The following CACNA2D2 variants were observed in gnomAD, a reference collection of about 807,000 sequenced individuals.
The protein encoded by CACNA2D2 is voltage-dependent calcium channel subunit alpha-2/delta-2.
Under a neutral mutation model 166.4 loss-of-function variants are expected in CACNA2D2, and 48 were observed. That is an observed-to-expected ratio of 0.29 (90% confidence interval 0.23 to 0.37). The LOEUF is 0.37. Ranked by LOEUF, CACNA2D2 falls within the 10% of genes least tolerant of loss-of-function variation. The pLI, the probability that CACNA2D2 is intolerant of heterozygous loss-of-function variation, is 1.00. For missense variants in CACNA2D2, 1,122 were observed against 1,433.0 expected (o/e 0.78, Z 3.50); for synonymous variants, 561 against 573.7 (o/e 0.98, Z 0.32).
chr3:50,410,897 T>C (rs1559922138), intron 3 of CACNA2D2, among the ~76,000 whole-genome samples: 2 of 152,220 alleles, frequency 1.3e-5, no homozygotes, highest in Admixed American at 6.5e-5. Context: ...TGTGTGTACA[T>C]AAACACATGT....
At chr3:50,443,547 T>G (rs1180883505) in intron 2 of CACNA2D2, among the ~76,000 whole-genome samples, 2 of 152,210 alleles carry the variant, frequency 1.3e-5, no homozygotes, top group Non-Finnish European at 2.9e-5. Context: ...TGCCGCTCAG[T>G]TCTCTGGCCC....
At chr3:50,490,488 C>T (rs1210526677) in intron 1 of CACNA2D2, among the ~76,000 whole-genome samples, 1 of 152,104 alleles carries the variant, frequency 6.6e-6, no homozygotes, top group African/African-American at 2.4e-5. Context: ...CTGGACACCC[C>T]CTTTACTTCC....
chr3:50,369,533 C>T (rs766106417), intron 23 of CACNA2D2, among the ~76,000 whole-genome samples: 2 of 152,254 alleles, frequency 1.3e-5, no homozygotes, highest in African/African-American at 2.4e-5. Context: ...TACGTGCACA[C>T]ACGAAGGTGA....
chr3:50,376,844 G>C lies in CACNA2D2; in HGVS notation c.1626+623C>G, dbSNP rs587674071. On this transcript the variant is annotated intron_variant, in intron 17 of 37. Transcript: ENST00000424201. The surrounding 1 kb of genome is among the most constrained non-coding windows in gnomAD (Gnocchi z 4.3). ...AGGCCAAGATGCAGACTCCCTGACCGCAGGCGCTGGGCCAGCCACAATGCC... is the reference window on the plus strand; with the variant it reads ...AGGCCAAGATGCAGACTCCCTGACCCCAGGCGCTGGGCCAGCCACAATGCC... Among the ~76,000 whole-genome samples, 1 of 152,198 alleles carries C rather than the reference G, an allele frequency of 6.6e-6. No individual in the cohort carries two copies. Among genetic ancestry groups the C allele is most frequent in the Non-Finnish European group, 1.5e-5 (1 of 68,032 alleles).
At chr3:50,435,418 A>T (rs1310847401) in intron 2 of CACNA2D2, among the ~76,000 whole-genome samples, 1 of 151,890 alleles carries the variant, frequency 6.6e-6, no homozygotes, top group African/African-American at 2.4e-5. Context: ...TGCCCCAAGT[A>T]CAGGCTCCTT....
At chr3:50,401,361 G>C (rs1706443668) in intron 3 of CACNA2D2, among the ~76,000 whole-genome samples, 1 of 152,180 alleles carries the variant, frequency 6.6e-6, no homozygotes, top group African/African-American at 2.4e-5. Context: ...CTCCACCCAA[G>C]TCCAGGCTTG....
chr3:50,387,712 G>T, intron 4 of CACNA2D2, 100 bp from the exon 5 acceptor site: 1 of 909,800 alleles, frequency 1.1e-6, no homozygotes, highest in African/African-American at 1.7e-5. Flanking sequence ...GATTCCTCTG[G>T]GGCAGAGACT....
chr3:50,367,453 C>T lies in CACNA2D2; in HGVS notation c.2342G>A (p.Ser781Asn), dbSNP rs1704381997. ...WTENPEPFNA[S>N]FYRRSLDNHG... ...GTTATCCAGGCTGCGGCGGTAGAAG[C>T]TGGCATTGAAGGGCTCAGGGTTCTC... Residue 781 changes from serine (S) to asparagine (N), a missense_variant, in exon 27 of 38, where the codon AGC becomes AAC. By Grantham distance (46) the Ser-to-Asn change is conservative. Transcript: ENST00000424201. This position sits in a 1 kb window ranked among gnomAD's most constrained non-coding sequence, Gnocchi z 6.5. 6.2e-7 allele frequency: 1 copy of T among 1,613,824 alleles called. No homozygotes were observed. The highest frequency in any genetic ancestry group is 8.5e-7 in the Non-Finnish European group (1 of 1,180,024).
At chr3:50,494,384 G>T (rs1698642436) in intron 1 of CACNA2D2, among the ~76,000 whole-genome samples, 2 of 152,140 alleles carry the variant, frequency 1.3e-5, no homozygotes, top group African/African-American at 4.8e-5. Context: ...GGAAGGAAGT[G>T]ATCAAGACTG....
At chr3:50,373,073 T>C in intron 22 of CACNA2D2, 1 of 1,534,740 alleles carries the variant, frequency 6.5e-7, no homozygotes, top group Non-Finnish European at 8.7e-7. Context: ...GCCCTTCAGT[T>C]TGCTGATTGG....
intron 6 of CACNA2D2, among the ~76,000 whole-genome samples, chr3:50,381,339 C>T (rs1325819091): frequency 6.6e-6 from 1 of 152,044 alleles, no homozygotes; most frequent in Non-Finnish European, 1.5e-5. Context: ...GTGAAAGGAA[C>T]AGTTCAGCCT....
chr3:50,441,641 CCTGGGT>C (rs1708605269), intron 2 of CACNA2D2, among the ~76,000 whole-genome samples: 1 of 152,392 alleles, frequency 6.6e-6, no homozygotes, highest in Admixed American at 6.5e-5. Flanking sequence ...ATGGCCCATT[CCTGGGT>C]GTAGCCCTTT....
intron 2 of CACNA2D2, among the ~76,000 whole-genome samples, chr3:50,437,507 G>A (rs1372928114): frequency 2.6e-5 from 4 of 152,154 alleles, no homozygotes; most frequent in Non-Finnish European, 5.9e-5. Flanking sequence ...AACAGTCCTC[G>A]AATGATAGCC....
intron 23 of CACNA2D2, among the ~76,000 whole-genome samples, chr3:50,368,645 A>C (rs1406228043): frequency 6.6e-6 from 1 of 152,194 alleles, no homozygotes; most frequent in African/African-American, 2.4e-5. Flanking sequence ...TTGTCAGCCT[A>C]AGACCTCACC....
intron 2 of CACNA2D2, among the ~76,000 whole-genome samples, chr3:50,438,446 C>T (rs1314613702): frequency 2.6e-5 from 4 of 152,194 alleles, no homozygotes; most frequent in African/African-American, 9.7e-5. Flanking sequence ...GGGGCTGATG[C>T]CTCCTTAGAA....
In CACNA2D2 at chr3:50,375,676, G is replaced by A. The variant is rs1480824096; in HGVS notation, c.1875C>T (p.Tyr625=). ...ERYIDEVTRN[Y]TWVPIRSTNY... ...TAGTGCTCCTTATAGGCACCCAGGT[G>A]TAGTTCCGTGTCACCTCATCTATGT... Residue 625 remains tyrosine (Y), a synonymous_variant, in exon 21 of 38, where the codon TAC becomes TAT. Transcript: ENST00000424201. The surrounding 1 kb of genome is among the most constrained non-coding windows in gnomAD (Gnocchi z 4.0). The A allele has an allele frequency of 3.1e-6, 5 of 1,613,210 alleles. No individual in the cohort carries two copies. In the South Asian group the frequency reaches 4.4e-5, roughly 14 times the overall value.
At position 50,372,406 on chromosome 3, in the gene CACNA2D2, C is replaced by G. The variant is rs189872875; in HGVS notation, c.1985-2026G>C. Among the ~76,000 whole-genome samples the G allele has an allele frequency of 3.9e-5, 6 of 152,334 alleles. 1 individual carries two copies. The South Asian group carries it at 6.2e-4, about 16-fold the overall frequency. ...AGCAAAGCCTCTGGAAGCAGCGGGC[C>G]GGCAGGACACGGGGACATCAGCACC... On this transcript the variant is annotated intron_variant, in intron 22 of 37. Coordinates refer to ENST00000424201, the MANE Select transcript of CACNA2D2 (RefSeq NM_006030.4).
chr3:50,430,123 G>A (rs746863387), intron 3 of CACNA2D2, among the ~76,000 whole-genome samples: 5 of 152,192 alleles, frequency 3.3e-5, no homozygotes, highest in Non-Finnish European at 5.9e-5. Context: ...TGAGGAAGGA[G>A]GCAAAAGGGC....
At chr3:50,372,635 TC>T (rs1376457931) in intron 22 of CACNA2D2, among the ~76,000 whole-genome samples, 2 of 152,126 alleles carry the variant, frequency 1.3e-5, no homozygotes, top group South Asian at 4.1e-4. Flanking sequence ...GCTGGCCCCT[TC>T]CCACAGCTTC....
Sources: gnomAD v4.1 joint callset for allele counts (sites outside exome capture counted in the v4.1 genomes callset) on GRCh38, gnomAD v4.1.1 for gene constraint, Gnocchi (gnomAD v3.1) non-coding constraint, MANE v1.5 for transcripts, NCBI Gene and HGNC (gene_info 2026-07-23, HGNC 2026-07-21) for gene names.